CDC14A: variants seen among roughly 807,000 people sequenced by gnomAD.
CDC14A encodes the protein dual specificity protein phosphatase CDC14A.
A neutral mutation model predicts 74.4 loss-of-function variants in CDC14A; 53 were observed. The observed-to-expected ratio is 0.71, with a 90% confidence interval of 0.57 to 0.89. CDC14A has a LOEUF of 0.89. CDC14A is among the 40% of genes least tolerant of loss of function. CDC14A has a pLI of 0.00. For synonymous variants in CDC14A, 247 were observed against 258.4 expected, an observed-to-expected ratio of 0.96 and a Z score of 0.43; for missense variants, 646 against 713.7, an observed-to-expected ratio of 0.91 and a Z score of 1.08.
intron 4 of CDC14A, among the ~76,000 whole-genome samples, chr1:100,405,028 T>C (rs1659767762): frequency 6.6e-6 from 1 of 152,200 alleles, no homozygotes; most frequent in Non-Finnish European, 1.5e-5. Flanking sequence ...ATATACATAC[T>C]GTAGGATGAA....
intron 4 of CDC14A, among the ~76,000 whole-genome samples, chr1:100,415,195 G>T (rs1661378369): frequency 6.6e-6 from 1 of 152,140 alleles, no homozygotes; most frequent in Admixed American, 6.5e-5. Flanking sequence ...CCATCAAAAA[G>T]CTCCCACTGG....
At chr1:100,511,284 T>C (rs1649755258) in intron 15 of CDC14A, among the ~76,000 whole-genome samples, 1 of 152,184 alleles carries the variant, frequency 6.6e-6, no homozygotes, top group South Asian at 2.1e-4. Context: ...ATGGCCACAC[T>C]TGGGGAAAGA....
chr1:100,475,134 G>A (rs573893073), intron 10 of CDC14A, among the ~76,000 whole-genome samples: 2 of 152,048 alleles, frequency 1.3e-5, no homozygotes, highest in East Asian at 3.9e-4. Context: ...TTCAGATTGG[G>A]TAGTTTCTAC....
chr1:100,439,573 T>C (rs1664704130), intron 5 of CDC14A, among the ~76,000 whole-genome samples: 1 of 152,200 alleles, frequency 6.6e-6, no homozygotes, highest in Non-Finnish European at 1.5e-5. Flanking sequence ...ACAACAGTCC[T>C]ATGAGTGATA....
chr1:100,415,859 T>C (rs1661469724), intron 4 of CDC14A, among the ~76,000 whole-genome samples: 1 of 152,240 alleles, frequency 6.6e-6, no homozygotes, highest in Non-Finnish European at 1.5e-5. Flanking sequence ...TTGAGAAATG[T>C]ATAACTTTTT....
At chr1:100,440,569 T>G (rs1348429163) in intron 6 of CDC14A, among the ~76,000 whole-genome samples, 1 of 152,214 alleles carries the variant, frequency 6.6e-6, no homozygotes, top group Non-Finnish European at 1.5e-5. Context: ...ATTCACAATC[T>G]GAGAAGTTAT....
intron 8 of CDC14A, among the ~76,000 whole-genome samples, chr1:100,459,118 CACACACACAG>C (rs1667048778): frequency 6.9e-6 from 1 of 145,818 alleles, no homozygotes; most frequent in Non-Finnish European, 1.5e-5. Context: ...CACACACACA[CACACACACAG>C]AGAGAGAGAG....
intron 11 of CDC14A, among the ~76,000 whole-genome samples, chr1:100,493,722 T>G (rs191924349): frequency 4.7e-4 from 72 of 152,356 alleles, no homozygotes; most frequent in Non-Finnish European, 7.6e-4. Flanking sequence ...GCTTTTGTCC[T>G]TATTCTTTCT....
At chr1:100,351,699 A>G, upstream of CDC14A, 1 of 1,510,028 alleles carries the variant, frequency 6.6e-7, no homozygotes, top group Non-Finnish European at 9.0e-7. Flanking sequence ...AAGATTAGGC[A>G]TCTGTGATGC....
chr1:100,445,279 A>G (rs956506478), intron 7 of CDC14A, among the ~76,000 whole-genome samples: 2 of 152,186 alleles, frequency 1.3e-5, no homozygotes, highest in African/African-American at 4.8e-5. Flanking sequence ...CTTACTTTGA[A>G]GCTAATGAAG....
intron 2 of CDC14A, among the ~76,000 whole-genome samples, chr1:100,362,911 A>G (rs1456449674): frequency 6.6e-6 from 1 of 152,226 alleles, no homozygotes; most frequent in Admixed American, 6.5e-5. Context: ...GGCAGAAGAA[A>G]GGACAGAGGA....
At chr1:100,396,462 TA>T (rs1658502071) in intron 4 of CDC14A, among the ~76,000 whole-genome samples, 1 of 152,198 alleles carries the variant, frequency 6.6e-6, no homozygotes, top group Non-Finnish European at 1.5e-5. Context: ...GAAGGTAATA[TA>T]TGGGAAACTC....
At chr1:100,461,416 G>A (rs1250316052) in intron 8 of CDC14A, among the ~76,000 whole-genome samples, 1 of 146,462 alleles carries the variant, frequency 6.8e-6, no homozygotes, top group Admixed American at 6.7e-5. Context: ...AGCACACAGC[G>A]TGGAAACAGT....
At chr1:100,428,379 A>G (rs1030834340) in intron 5 of CDC14A, among the ~76,000 whole-genome samples, 12 of 152,180 alleles carry the variant, frequency 7.9e-5, no homozygotes, top group Non-Finnish European at 1.6e-4. Context: ...GGTGAAAATC[A>G]GGGGAAAGGG....
At chr1:100,406,920 C>CT (rs1319667931) in intron 4 of CDC14A, among the ~76,000 whole-genome samples, 6 of 149,686 alleles carry the variant, frequency 4.0e-5, no homozygotes, top group Non-Finnish European at 7.4e-5. Flanking sequence ...GAGCGAAACT[C>CT]TGTCTCAAAT....
At chr1:100,365,604 A>C (rs1653461883) in intron 2 of CDC14A, among the ~76,000 whole-genome samples, 1 of 152,280 alleles carries the variant, frequency 6.6e-6, no homozygotes. Context: ...TTTGGCACCC[A>C]GTGATCTTTA....
chr1:100,424,038 G>GA, intron 4 of CDC14A, 184 bp from the exon 5 acceptor site: 1 of 546,996 alleles, frequency 1.8e-6, no homozygotes, highest in South Asian at 2.0e-5. Flanking sequence ...CCATGGAGAA[G>GA]ACAAAGGCTG....
chr1:100,378,761 T>C (rs1265342069), intron 3 of CDC14A, among the ~76,000 whole-genome samples: 2 of 152,232 alleles, frequency 1.3e-5, no homozygotes, highest in Admixed American at 6.5e-5. Flanking sequence ...TGAACCAACA[T>C]AATAAAATCT....
At chr1:100,374,868 A>G (rs147920827) in intron 2 of CDC14A, among the ~76,000 whole-genome samples, 1 of 152,356 alleles carries the variant, frequency 6.6e-6, no homozygotes, top group East Asian at 1.9e-4. Flanking sequence ...GCATTAATGA[A>G]CAAACTATTT....
Sources: gnomAD v4.1 joint callset for allele counts (sites outside exome capture counted in the v4.1 genomes callset) on GRCh38, gnomAD v4.1.1 for gene constraint, MANE v1.5 for transcripts, NCBI Gene and HGNC (gene_info 2026-07-23, HGNC 2026-07-21) for gene names.